AOAH: variants seen among roughly 807,000 people sequenced by gnomAD.
The protein encoded by AOAH is acyloxyacyl hydrolase (neutrophil).
AOAH carries 64 observed loss-of-function variants against 92.2 expected under a neutral mutation model. The observed-to-expected ratio is 0.69, with a 90% CI of 0.57 to 0.86. The LOEUF (loss-of-function observed/expected upper bound fraction) is 0.86. AOAH is among the 40% of genes least tolerant of loss of function. The pLI is 0.00. For missense variants in AOAH, 656 were observed against 694.6 expected, an observed-to-expected ratio of 0.94 and a Z score of 0.62; for synonymous variants, 263 against 254.5, an observed-to-expected ratio of 1.03 and a Z score of -0.32.
rs147770227 is a variant in AOAH, at chr7:36,542,447, A to G, written c.1134-1956T>C. ...ATTGTGAACCAGATAAAATAAGTCC[A>G]TCACTCAGAGGCTGGACCCAGGGCA... On this transcript the variant is annotated intron_variant, in intron 15 of 20. Transcript: ENST00000617537. Among the ~76,000 whole-genome samples, 175 of 152,338 alleles carry G rather than the reference A, an allele frequency of 1.1e-3. 3 individuals carry two copies. In the East Asian group the frequency reaches 0.031, roughly 27 times the overall value.
At chr7:36,596,181 A>G (rs1474232953) in intron 11 of AOAH, among the ~76,000 whole-genome samples, 1 of 99,376 alleles carries the variant, frequency 1.0e-5, no homozygotes, top group Non-Finnish European at 2.1e-5. Flanking sequence ...ACCCCCCGTC[A>G]CCTTCCCCTA....
chr7:36,515,351 CA>C (rs2115663018), intron 20 of AOAH, among the ~76,000 whole-genome samples: 5 of 114,468 alleles, frequency 4.4e-5, no homozygotes, highest in Admixed American at 9.0e-5. Flanking sequence ...CATAATCACA[CA>C]CCCCCACACA....
chr7:36,530,613 C>T, intron 18 of AOAH, 99 bp from the exon 19 acceptor site: 1 of 747,046 alleles, frequency 1.3e-6, no homozygotes, highest in Non-Finnish European at 2.3e-6. Flanking sequence ...CCCCATCCTA[C>T]TCTACTTTCA....
intron 20 of AOAH, among the ~76,000 whole-genome samples, chr7:36,517,172 T>TTCTCTCTTTCTC (rs756572469): frequency 3.4e-5 from 4 of 117,180 alleles, no homozygotes; most frequent in Admixed American, 1.8e-4. Flanking sequence ...CTTTCTTTCT[T>TTCTCTCTTTCTC]TCTTTCTTTC....
intron 2 of AOAH, among the ~76,000 whole-genome samples, chr7:36,685,702 G>A (rs1796957936): frequency 6.6e-6 from 1 of 152,178 alleles, no homozygotes; most frequent in Non-Finnish European, 1.5e-5. Flanking sequence ...AGAAGGGAAA[G>A]CTGAAGTTTA....
At chr7:36,536,176 C>T (rs769961330) in intron 16 of AOAH, among the ~76,000 whole-genome samples, 3 of 152,194 alleles carry the variant, frequency 2.0e-5, no homozygotes, top group Non-Finnish European at 2.9e-5. Flanking sequence ...CCTGCCTTCA[C>T]TGGTTGCTCA....
At chr7:36,620,753 G>A (rs1792221169) in intron 9 of AOAH, 28 bp downstream of exon 9, 2 of 1,610,312 alleles carry the variant, frequency 1.2e-6, no homozygotes, top group Non-Finnish European at 1.7e-6. Flanking sequence ...AAAGGAGAAT[G>A]GGGTTCAAGC....
chr7:36,669,907 A>G (rs577857832), intron 3 of AOAH, among the ~76,000 whole-genome samples: 1 of 152,368 alleles, frequency 6.6e-6, no homozygotes, highest in South Asian at 2.1e-4. Flanking sequence ...GACCAGAGTC[A>G]GGCTTGCTAC....
At chr7:36,549,063 T>C (rs1355072826) in intron 14 of AOAH, among the ~76,000 whole-genome samples, 1 of 152,194 alleles carries the variant, frequency 6.6e-6, no homozygotes, top group African/African-American at 2.4e-5. Context: ...CGTGGACCCA[T>C]AGTCAACTTT....
intron 13 of AOAH, among the ~76,000 whole-genome samples, chr7:36,571,489 T>C (rs1401276121): frequency 6.6e-6 from 1 of 152,128 alleles, no homozygotes; most frequent in Non-Finnish European, 1.5e-5. Context: ...CAGCACTGTC[T>C]CCTCTCCTGG....
intron 16 of AOAH, among the ~76,000 whole-genome samples, chr7:36,533,035 T>A (rs1297586197): frequency 6.6e-6 from 1 of 152,194 alleles, no homozygotes; most frequent in Non-Finnish European, 1.5e-5. Context: ...TAGTGCAAGT[T>A]ACAGAGGTAC....
At chr7:36,668,089 GT>G (rs1795658783) in intron 3 of AOAH, among the ~76,000 whole-genome samples, 2 of 152,058 alleles carry the variant, frequency 1.3e-5, no homozygotes, top group African/African-American at 4.8e-5. Flanking sequence ...ATTTGTTACT[GT>G]TTTTTATTTG....
chr7:36,699,742 G>A (rs1434617654), intron 1 of AOAH, among the ~76,000 whole-genome samples: 2 of 151,194 alleles, frequency 1.3e-5, no homozygotes, highest in East Asian at 3.9e-4. Flanking sequence ...CCATTCTGTG[G>A]GTTATGGCCT....
chr7:36,533,244 G>A (rs534210424), intron 16 of AOAH, among the ~76,000 whole-genome samples: 96 of 152,120 alleles, frequency 6.3e-4, no homozygotes, highest in African/African-American at 2.2e-3. Flanking sequence ...AATCTCGGGG[G>A]TGAATGACTG....
intron 11 of AOAH, among the ~76,000 whole-genome samples, chr7:36,612,976 G>A (rs966421182): frequency 6.6e-6 from 1 of 151,780 alleles, no homozygotes; most frequent in Non-Finnish European, 1.5e-5. Flanking sequence ...TTAATTTTGT[G>A]AATTTTTTTG....
rs143809382 is a variant in AOAH, at chr7:36,536,822, G to A, written c.1306+3497C>T. ...AAATTAGCCCAGTGTGTTAGCAGGC[G>A]CCTGTAATCCCAGCTACTCGGGGGA... is the stretch of plus-strand genomic sequence containing the variant. On this transcript the variant is annotated intron_variant, in intron 16 of 20. Transcript: ENST00000617537. 9.2e-3 allele frequency among the ~76,000 whole-genome samples: 1,401 copies of A among 151,860 alleles called. 16 individuals are homozygous for A. The highest frequency in any genetic ancestry group is 0.016 in the Non-Finnish European group (1,064 of 67,950).
At chr7:36,587,485 T>C (rs1369954822) in intron 12 of AOAH, among the ~76,000 whole-genome samples, 1 of 152,232 alleles carries the variant, frequency 6.6e-6, no homozygotes, top group East Asian at 1.9e-4. Context: ...TTTAATACCT[T>C]GTTACGTTAA....
chr7:36,666,386 G>A (rs1795535372), intron 3 of AOAH, among the ~76,000 whole-genome samples: 1 of 151,964 alleles, frequency 6.6e-6, no homozygotes, highest in South Asian at 2.1e-4. Flanking sequence ...GGGATTTGTA[G>A]TGATGTCTTC....
intron 8 of AOAH, 146 bp downstream of exon 8, chr7:36,621,564 T>C: frequency 1.2e-6 from 1 of 830,724 alleles, no homozygotes; most frequent in South Asian, 1.6e-5. Context: ...ATGCCGTTCT[T>C]TTTTCACTGA....
Sources: allele counts gnomAD v4.1 joint callset (sites outside exome capture counted in the v4.1 genomes callset), GRCh38; gene constraint gnomAD v4.1.1; transcripts MANE v1.5; gene names NCBI Gene and HGNC (gene_info 2026-07-23, HGNC 2026-07-21).